PTPRD: variants seen among roughly 807,000 people sequenced by gnomAD.
PTPRD encodes receptor-type tyrosine-protein phosphatase delta.
In PTPRD, 34 loss-of-function variants were observed where a neutral mutation model predicts 214.5. The ratio of observed to expected loss-of-function variants is 0.16; its 90% CI spans 0.12 to 0.21. The LOEUF (loss-of-function observed/expected upper bound fraction) is 0.21, where lower values mean the gene tolerates loss of function less well. PTPRD is among the 10% of genes least tolerant of loss of function. The probability of loss-of-function intolerance (pLI) is 1.00; values close to 1 mark genes in which losing one functional copy is unlikely to be tolerated. For missense variants in PTPRD, 2,545 were observed against 2,398.7 expected (o/e 1.06, Z -1.27); for synonymous variants, 1,128 against 845.7 (o/e 1.33, Z -5.79).
intron 10 of PTPRD, among the ~76,000 whole-genome samples, chr9:9,149,093 G>T (rs923327989): frequency 2.0e-5 from 3 of 152,152 alleles, no homozygotes; most frequent in African/African-American, 7.2e-5. Flanking sequence ...TTCAGCTTCC[G>T]CAGTCTGACT....
chr9:8,879,546 G>C (rs1196325145), intron 11 of PTPRD, among the ~76,000 whole-genome samples: 1 of 152,158 alleles, frequency 6.6e-6, no homozygotes, highest in Non-Finnish European at 1.5e-5. Flanking sequence ...GTGAGTCCTG[G>C]TTGTTATTTT....
chr9:10,255,135 T>A (rs1564816673), intron 3 of PTPRD, among the ~76,000 whole-genome samples: 1 of 152,232 alleles, frequency 6.6e-6, no homozygotes, highest in South Asian at 2.1e-4. Flanking sequence ...CTGGCTCTGC[T>A]AACCTCAAAG....
chr9:9,861,724 T>C (rs1038495163), intron 5 of PTPRD, among the ~76,000 whole-genome samples: 5 of 152,238 alleles, frequency 3.3e-5, no homozygotes, highest in Admixed American at 1.3e-4. Context: ...AGCTTATATA[T>C]AGAAGCACTA....
At position 10,340,709 on chromosome 9, in the gene PTPRD, T is replaced by C. The variant is rs540521531; in HGVS notation, c.-545+254A>G. ...TAAGAATCTAGGACATGGAAAGTCC[T>C]CAAATGGATGCCAACATCTCATGAG... On this transcript the variant is annotated intron_variant, in intron 3 of 45. Coordinates refer to ENST00000381196, the MANE Select transcript of PTPRD (RefSeq NM_002839.4). Among the ~76,000 whole-genome samples the C allele has an allele frequency of 3.2e-3, 484 of 152,014 alleles. 3 individuals are homozygous for C. The highest frequency in any genetic ancestry group is 0.011 in the African/African-American group (455 of 41,530).
intron 3 of PTPRD, among the ~76,000 whole-genome samples, chr9:10,086,456 T>C (rs1180860832): frequency 6.6e-6 from 1 of 151,798 alleles, no homozygotes; most frequent in East Asian, 1.9e-4. Context: ...CTATTGCCTG[T>C]CTCAGTGGTA....
intron 5 of PTPRD, among the ~76,000 whole-genome samples, chr9:9,868,084 C>A (rs575009848): frequency 9.2e-5 from 14 of 152,236 alleles, no homozygotes; most frequent in Admixed American, 7.8e-4. Context: ...TGCCTACAGC[C>A]CACAGGTGCA....
At chr9:9,724,858 C>T (rs1327885117) in intron 7 of PTPRD, among the ~76,000 whole-genome samples, 3 of 152,082 alleles carry the variant, frequency 2.0e-5, no homozygotes, top group Non-Finnish European at 4.4e-5. Flanking sequence ...GGATTTGAGC[C>T]TAGGCAAACT....
intron 8 of PTPRD, among the ~76,000 whole-genome samples, chr9:9,535,128 C>A (rs552872374): frequency 7.0e-4 from 106 of 152,220 alleles, no homozygotes; most frequent in African/African-American, 2.4e-3. Flanking sequence ...TCTGGACTGA[C>A]ACACTCTGCC....
At chr9:9,979,733 G>A (rs927686061) in intron 4 of PTPRD, among the ~76,000 whole-genome samples, 38 of 152,152 alleles carry the variant, frequency 2.5e-4, no homozygotes, top group African/African-American at 9.2e-4. Context: ...ATTGCAACGA[G>A]TGGGAATTTA....
At chr9:8,704,758 C>CAAAAAA (rs569357894) in intron 12 of PTPRD, among the ~76,000 whole-genome samples, 5 of 137,878 alleles carry the variant, frequency 3.6e-5, no homozygotes, top group African/African-American at 2.7e-5. Context: ...ACTAAAAATA[C>CAAAAAA]AAAAAAAAAA....
intron 9 of PTPRD, among the ~76,000 whole-genome samples, chr9:9,208,019 G>GTTTTTTTTTTTTTTTTTTTT (rs1569562243): frequency 1.9e-4 from 5 of 26,040 alleles, no homozygotes; most frequent in South Asian, 4.3e-3. Context: ...ATATATATCT[G>GTTTTTTTTTTTTTTTTTTTT]CTTTTTTTTT....
intron 9 of PTPRD, among the ~76,000 whole-genome samples, chr9:9,231,751 C>T (rs191991228): frequency 1.3e-5 from 2 of 151,812 alleles, no homozygotes; most frequent in Admixed American, 1.3e-4. Context: ...TTTAATTATA[C>T]TTTAAGTTAT....
intron 4 of PTPRD, among the ~76,000 whole-genome samples, chr9:9,972,562 A>G (rs111955274): frequency 6.6e-6 from 1 of 152,322 alleles, no homozygotes; most frequent in Non-Finnish European, 1.5e-5. Context: ...CTACCATAAT[A>G]CATTATATAC....
At chr9:10,059,124 C>A (rs1429112985) in intron 3 of PTPRD, among the ~76,000 whole-genome samples, 1 of 152,124 alleles carries the variant, frequency 6.6e-6, no homozygotes, top group Non-Finnish European at 1.5e-5. Flanking sequence ...CCCTTGCTAA[C>A]AGCATTATGT....
At chr9:9,187,831 G>A (rs2099932604) in intron 9 of PTPRD, among the ~76,000 whole-genome samples, 1 of 151,668 alleles carries the variant, frequency 6.6e-6, no homozygotes. Flanking sequence ...GTGTATGTAT[G>A]TGTGTTTCCA....
chr9:10,355,610 C>T (rs951099918), intron 2 of PTPRD, among the ~76,000 whole-genome samples: 5 of 151,762 alleles, frequency 3.3e-5, no homozygotes, highest in Non-Finnish European at 5.9e-5. Context: ...TCCAGAGTAG[C>T]TGGGATTACA....
chr9:9,376,812 A>C (rs1046326787), intron 9 of PTPRD, among the ~76,000 whole-genome samples: 2 of 152,130 alleles, frequency 1.3e-5, no homozygotes, highest in Non-Finnish European at 2.9e-5. Context: ...GGATCCAATG[A>C]AACACCAAGT....
intron 11 of PTPRD, among the ~76,000 whole-genome samples, chr9:8,743,774 A>G (rs1056058776): frequency 6.8e-6 from 1 of 147,248 alleles, no homozygotes; most frequent in Non-Finnish European, 1.5e-5. Flanking sequence ...CAACTAAAAA[A>G]GCTTCTGCAC....
intron 3 of PTPRD, among the ~76,000 whole-genome samples, chr9:10,204,841 A>T (rs408807): frequency 0.15 from 22,724 of 152,098 alleles, 2,043 homozygotes; most frequent in East Asian, 0.4. Context: ...AATTTTTAGA[A>T]CCCAAAGTAA....
Sources: allele counts gnomAD v4.1 joint callset (sites outside exome capture counted in the v4.1 genomes callset), GRCh38; gene constraint gnomAD v4.1.1; transcripts MANE v1.5; gene names NCBI Gene and HGNC (gene_info 2026-07-23, HGNC 2026-07-21).